Variants in HS3ST5 observed in about 807,000 individuals in gnomAD.
HS3ST5 encodes the protein heparan sulfate glucosamine 3-O-sulfotransferase 5.
A neutral mutation model predicts 25.4 loss-of-function variants in HS3ST5; 10 were observed. That is an observed-to-expected ratio of 0.39 (90% confidence interval 0.24 to 0.67). The LOEUF (loss-of-function observed/expected upper bound fraction) is 0.67, where lower values mean the gene tolerates loss of function less well. Ranked by LOEUF, HS3ST5 falls within the 30% of genes least tolerant of loss-of-function variation. The pLI is 0.44. For missense variants in HS3ST5, 324 were observed against 420.7 expected (o/e 0.77, Z 2.01); for synonymous variants, 170 against 162.4 (o/e 1.05, Z -0.36).
chr6:114,260,038 A>G (rs9488356), intron 1 of HS3ST5, among the ~76,000 whole-genome samples: 4,575 of 152,256 alleles, frequency 0.03, 91 homozygotes, highest in South Asian at 0.064. Context: ...ATTCAGCCTA[A>G]TTAATAATCC....
At chr6:114,267,925 A>G (rs958001466) in intron 1 of HS3ST5, among the ~76,000 whole-genome samples, 5 of 152,188 alleles carry the variant, frequency 3.3e-5, no homozygotes, top group African/African-American at 9.7e-5. Flanking sequence ...CCAAGTATCT[A>G]TGGACACACT....
At chr6:114,135,388 G>A (rs1777545905) in intron 3 of HS3ST5, among the ~76,000 whole-genome samples, 1 of 152,178 alleles carries the variant, frequency 6.6e-6, no homozygotes, top group Non-Finnish European at 1.5e-5. Context: ...AAGGGGTGAT[G>A]ACCTTAGCAC....
At chr6:114,176,664 A>G (rs1435638943) in intron 2 of HS3ST5, among the ~76,000 whole-genome samples, 2 of 152,118 alleles carry the variant, frequency 1.3e-5, no homozygotes, top group African/African-American at 4.8e-5. Flanking sequence ...CTGAATGCCT[A>G]CTCAGGGTAA....
chr6:114,244,039 GA>G (rs889102863), intron 1 of HS3ST5, among the ~76,000 whole-genome samples: 2 of 152,210 alleles, frequency 1.3e-5, no homozygotes, highest in African/African-American at 4.8e-5. Flanking sequence ...CTCCAACAGG[GA>G]CAGAGGAGTC....
intron 1 of HS3ST5, among the ~76,000 whole-genome samples, chr6:114,332,896 T>C (rs1191210256): frequency 3.9e-5 from 6 of 152,082 alleles, no homozygotes; most frequent in Non-Finnish European, 5.9e-5. Context: ...ATTCCTTCCC[T>C]GGAGTCACCC....
Position 114,083,142 on chromosome 6 carries a change from G to A in HS3ST5, c.-32-20265C>T, listed in dbSNP as rs549166692. On this transcript the variant is annotated intron_variant, in intron 3 of 4. Transcript: ENST00000312719. ...ACTCCAACTGTGTAGAGGTGATGGTGGTTTAAAGAGAGACTGATGAAACAG... is the reference window on the plus strand; with the variant it reads ...ACTCCAACTGTGTAGAGGTGATGGTAGTTTAAAGAGAGACTGATGAAACAG... Among the ~76,000 whole-genome samples, 265 of 152,126 alleles carry A rather than the reference G, an allele frequency of 1.7e-3. 1 individual carries two copies. The highest frequency in any genetic ancestry group is 6.1e-3 in the African/African-American group (252 of 41,478).
At chr6:114,124,506 T>G (rs2275093) in intron 3 of HS3ST5, among the ~76,000 whole-genome samples, 2,036 of 152,328 alleles carry the variant, frequency 0.013, 34 homozygotes, top group African/African-American at 0.043. Context: ...TGTTTTGTTT[T>G]TATTTTTGCC....
intron 2 of HS3ST5, among the ~76,000 whole-genome samples, chr6:114,218,117 C>T (rs912120559): frequency 1.3e-5 from 2 of 152,096 alleles, no homozygotes. Context: ...CCTGCCTCAG[C>T]CTCCTGAGTA....
At chr6:114,102,501 A>G (rs1775785365) in intron 3 of HS3ST5, among the ~76,000 whole-genome samples, 2 of 152,286 alleles carry the variant, frequency 1.3e-5, no homozygotes, top group Middle Eastern at 3.4e-3. Context: ...TTAGATGCCC[A>G]GGGAGAATTG....
intron 1 of HS3ST5, among the ~76,000 whole-genome samples, chr6:114,276,620 AAAC>A (rs1433328713): frequency 1.4e-5 from 2 of 145,006 alleles, no homozygotes; most frequent in Admixed American, 1.8e-4. Flanking sequence ...GGAAAAAAAA[AAAC>A]AAAAAAACAA....
intron 2 of HS3ST5, among the ~76,000 whole-genome samples, chr6:114,186,627 A>T (rs2114267192): frequency 6.6e-6 from 1 of 152,364 alleles, no homozygotes; most frequent in East Asian, 1.9e-4. Flanking sequence ...ATGTTGATAT[A>T]GAGGCGGCAG....
At chr6:114,128,060 G>A (rs557683851) in intron 3 of HS3ST5, among the ~76,000 whole-genome samples, 3 of 152,042 alleles carry the variant, frequency 2.0e-5, no homozygotes, top group African/African-American at 4.8e-5. Context: ...CTATGAAAAC[G>A]TGGATTTTCA....
chr6:114,324,334 A>G (rs910515426), intron 1 of HS3ST5, among the ~76,000 whole-genome samples: 4 of 152,214 alleles, frequency 2.6e-5, no homozygotes, highest in Non-Finnish European at 5.9e-5. Flanking sequence ...TAGAGGGACA[A>G]GTAGTTTCTT....
chr6:114,084,624 G>A lies in HS3ST5; in HGVS notation c.-32-21747C>T, dbSNP rs570825313. On this transcript the variant is annotated intron_variant, in intron 3 of 4. Coordinates refer to ENST00000312719, the MANE Select transcript of HS3ST5 (RefSeq NM_153612.4). Reference sequence around the variant, plus strand: ...GAGAATTGTTACAGAGCAATGCTAGGTAGGTTAACATAAGATGCCTTAATG... The same window carrying A: ...GAGAATTGTTACAGAGCAATGCTAGATAGGTTAACATAAGATGCCTTAATG... 3.7e-6 allele frequency: 3 copies of A among 805,072 alleles called. No individual in the cohort carries two copies. The South Asian group carries it at 4.0e-5, about 11-fold the overall frequency. The allele number at this position is 805,072 out of a possible 1,614,324, so 49.9% of individuals were successfully genotyped here.
At chr6:114,273,214 C>T (rs141738013) in intron 1 of HS3ST5, among the ~76,000 whole-genome samples, 1 of 152,074 alleles carries the variant, frequency 6.6e-6, no homozygotes, top group East Asian at 1.9e-4. Flanking sequence ...ATGGAGCCAA[C>T]AAGGTAATCC....
intron 2 of HS3ST5, among the ~76,000 whole-genome samples, chr6:114,182,053 T>G (rs891489741): frequency 2.0e-5 from 3 of 152,158 alleles, no homozygotes; most frequent in Non-Finnish European, 4.4e-5. Flanking sequence ...TAAGCATTCA[T>G]AGTAAATGCA....
At chr6:114,161,518 GTT>G (rs1469510906) in intron 3 of HS3ST5, among the ~76,000 whole-genome samples, 43 of 44,684 alleles carry the variant, frequency 9.6e-4, no homozygotes, top group South Asian at 2.9e-3. Flanking sequence ...GCTTCCTGAA[GTT>G]TTATATATAT....
chr6:114,221,476 T>C (rs1337994366), intron 2 of HS3ST5, among the ~76,000 whole-genome samples: 1 of 151,670 alleles, frequency 6.6e-6, no homozygotes, highest in Non-Finnish European at 1.5e-5. Flanking sequence ...TTACCTGACA[T>C]TTGAATCTTT....
chr6:114,197,154 G>A (rs1220498224), intron 2 of HS3ST5, among the ~76,000 whole-genome samples: 2 of 144,832 alleles, frequency 1.4e-5, no homozygotes, highest in African/African-American at 5.1e-5. Flanking sequence ...TGTTTTTAAT[G>A]AGTACTTTAT....
Sources: allele counts gnomAD v4.1 joint callset (sites outside exome capture counted in the v4.1 genomes callset), GRCh38; gene constraint gnomAD v4.1.1; transcripts MANE v1.5; gene names NCBI Gene and HGNC (gene_info 2026-07-23, HGNC 2026-07-21).